Variants in DGKB observed in about 807,000 individuals in gnomAD.
The protein encoded by DGKB is 90 kDa diacylglycerol kinase.
DGKB carries 67 observed loss-of-function variants against 114.3 expected under a neutral mutation model. The ratio of observed to expected loss-of-function variants is 0.59; its 90% CI spans 0.48 to 0.72. DGKB has a LOEUF of 0.72. DGKB is among the 30% of genes least tolerant of loss of function. The pLI is 0.00. For synonymous variants in DGKB, 398 were observed against 323.1 expected (o/e 1.23, Z -2.49); for missense variants, 907 against 975.2 (o/e 0.93, Z 0.93).
intron 20 of DGKB, among the ~76,000 whole-genome samples, chr7:14,505,004 T>G (rs780535411): frequency 6.6e-6 from 1 of 152,198 alleles, no homozygotes; most frequent in Non-Finnish European, 1.5e-5. Context: ...GGGTCAGAAG[T>G]GAAGAATAAG....
chr7:14,815,830 T>C (rs1844060838), intron 2 of DGKB, among the ~76,000 whole-genome samples: 1 of 152,160 alleles, frequency 6.6e-6, no homozygotes. Context: ...TAAGAACACA[T>C]TGCTGGGAAC....
intron 20 of DGKB, among the ~76,000 whole-genome samples, chr7:14,506,399 T>A (rs1367838098): frequency 1.3e-5 from 2 of 152,042 alleles, no homozygotes; most frequent in African/African-American, 4.8e-5. Flanking sequence ...GAGAAAAAAA[T>A]AGACTATGTA....
At chr7:14,471,244 C>T (rs199905523) in intron 21 of DGKB, among the ~76,000 whole-genome samples, 3,851 of 118,972 alleles carry the variant, frequency 0.032, 777 homozygotes, top group East Asian at 0.16. Flanking sequence ...TATATGTATA[C>T]ATACATATAT....
At chr7:14,835,372 A>G (rs912835750) in intron 2 of DGKB, among the ~76,000 whole-genome samples, 1 of 152,220 alleles carries the variant, frequency 6.6e-6, no homozygotes, top group African/African-American at 2.4e-5. Context: ...ATACATTTCC[A>G]TATTTAATCA....
chr7:14,723,482 A>G (rs1829544696), intron 5 of DGKB, among the ~76,000 whole-genome samples: 1 of 152,134 alleles, frequency 6.6e-6, no homozygotes. Flanking sequence ...AAGTAGTATA[A>G]TCTGCAGATT....
At chr7:14,323,186 C>T (rs1001450732) in intron 23 of DGKB, among the ~76,000 whole-genome samples, 1 of 151,972 alleles carries the variant, frequency 6.6e-6, no homozygotes, top group African/African-American at 2.4e-5. Context: ...TTTAAAAGGC[C>T]AGATGCAAAT....
chr7:14,738,677 C>T (rs1189642600), intron 4 of DGKB, among the ~76,000 whole-genome samples: 2 of 152,192 alleles, frequency 1.3e-5, no homozygotes, highest in Non-Finnish European at 2.9e-5. Flanking sequence ...GAAGAAGCCT[C>T]AAAGCCACAT....
intron 15 of DGKB, chr7:14,621,081 C>T (rs1525076): frequency 0.33 from 79,110 of 243,006 alleles, 13,712 homozygotes; most frequent in East Asian, 0.68. Flanking sequence ...ATAAATAACA[C>T]ATATGTATTT....
At position 14,178,177 on chromosome 7, in the gene DGKB, G is replaced by C. The variant is rs1463596806; in HGVS notation, c.2123-26C>G. The C allele has an allele frequency of 1.9e-6, 3 of 1,611,920 alleles. No homozygotes were observed. In the African/African-American group the frequency reaches 4.0e-5, roughly 22 times the overall value. Reference sequence around the variant, plus strand: ...CTGAAAGAAAGTAGATGCCTTTTAAGTTGCAATGTGTATACATATGTCCAC... The same window carrying C: ...CTGAAAGAAAGTAGATGCCTTTTAACTTGCAATGTGTATACATATGTCCAC... On this transcript the variant is annotated intron_variant, in intron 23 of 25. Transcript: ENST00000402815.
At chr7:14,601,077 C>A (rs1803458639) in intron 17 of DGKB, among the ~76,000 whole-genome samples, 1 of 152,186 alleles carries the variant, frequency 6.6e-6, no homozygotes, top group Non-Finnish European at 1.5e-5. Flanking sequence ...CAGAGGTAGG[C>A]ATGCCTTCAC....
intron 20 of DGKB, among the ~76,000 whole-genome samples, chr7:14,485,192 AGT>A (rs1396993997): frequency 6.6e-6 from 1 of 151,150 alleles, no homozygotes; most frequent in Non-Finnish European, 1.5e-5. Flanking sequence ...TTGATGTTAC[AGT>A]GTCTGAGGAA....
chr7:14,198,838 A>G (rs1251540109), intron 23 of DGKB, among the ~76,000 whole-genome samples: 39 of 152,118 alleles, frequency 2.6e-4, no homozygotes, highest in Admixed American at 2.6e-3. Context: ...GGAGGTCATG[A>G]GGAGGGATAG....
At chr7:14,639,661 C>G (rs185547652) in intron 13 of DGKB, among the ~76,000 whole-genome samples, 2 of 152,314 alleles carry the variant, frequency 1.3e-5, no homozygotes, top group African/African-American at 4.8e-5. Flanking sequence ...CCTAAAGGTA[C>G]GGGCCAAGGC....
At chr7:14,207,881 A>G (rs1307682935) in intron 23 of DGKB, among the ~76,000 whole-genome samples, 1 of 152,022 alleles carries the variant, frequency 6.6e-6, no homozygotes, top group Non-Finnish European at 1.5e-5. Context: ...AAAAATGTAA[A>G]ATGAATAATC....
intron 21 of DGKB, among the ~76,000 whole-genome samples, chr7:14,474,519 A>G (rs1194898348): frequency 6.6e-6 from 1 of 152,196 alleles, no homozygotes; most frequent in African/African-American, 2.4e-5. Flanking sequence ...GTCCTTTTCA[A>G]TGTTACATAG....
At chr7:14,475,154 T>A (rs764087425) in intron 21 of DGKB, among the ~76,000 whole-genome samples, 2 of 152,158 alleles carry the variant, frequency 1.3e-5, no homozygotes, top group Non-Finnish European at 2.9e-5. Context: ...AAGGTGAGCA[T>A]GCTAGAGGAT....
In DGKB at chr7:14,825,016, G is replaced by GTGTGTATA. The variant is rs1480765381; in HGVS notation, c.70+16177_70+16178insTATACACA. 2.3e-3 allele frequency among the ~76,000 whole-genome samples: 215 copies of GTGTGTATA among 92,398 alleles called. 1 individual carries two copies. The highest frequency in any genetic ancestry group is 6.9e-3 in the African/African-American group (204 of 29,598). The allele number at this position is 92,398 out of a possible 152,430, so 60.6% of individuals were successfully genotyped here. ...TGTGTATATATATATGTATGTGTAT[G>GTGTGTATA]TATATATATATATATATATATATAT... On this transcript the variant is annotated intron_variant, in intron 2 of 25. Transcript: ENST00000402815.
chr7:14,258,012 G>A (rs552740209), intron 23 of DGKB, among the ~76,000 whole-genome samples: 2 of 152,320 alleles, frequency 1.3e-5, no homozygotes, highest in Admixed American at 6.5e-5. Context: ...GCAGGCGTGA[G>A]CCAATCAATG....
At chr7:14,805,830 A>C (rs753413332) in intron 2 of DGKB, among the ~76,000 whole-genome samples, 1 of 150,742 alleles carries the variant, frequency 6.6e-6, no homozygotes, top group Non-Finnish European at 1.5e-5. Flanking sequence ...CATATAGAGT[A>C]ATTTTACCAA....
Sources: allele counts gnomAD v4.1 joint callset (sites outside exome capture counted in the v4.1 genomes callset), GRCh38; gene constraint gnomAD v4.1.1; transcripts MANE v1.5; gene names NCBI Gene and HGNC (gene_info 2026-07-23, HGNC 2026-07-21).